CSMD3: variants seen among roughly 807,000 people sequenced by gnomAD.
CSMD3 encodes CUB and Sushi multiple domains 3.
A neutral mutation model predicts 435.2 loss-of-function variants in CSMD3; 177 were observed. The ratio of observed to expected loss-of-function variants is 0.41; its 90% CI spans 0.36 to 0.46. The LOEUF (loss-of-function observed/expected upper bound fraction) is 0.46, where lower values mean the gene tolerates loss of function less well. CSMD3 is among the 20% of genes least tolerant of loss of function. CSMD3 has a pLI of 0.34. For missense variants in CSMD3, 4,265 were observed against 4,504.6 expected (o/e 0.95, Z 1.52); for synonymous variants, 1,656 against 1,520.5 (o/e 1.09, Z -2.07).
chr8:112,525,768 A>G lies in CSMD3; in HGVS notation c.4565-8543T>C, dbSNP rs537393172. ...TATATATACATATATATATATATAT[A>G]TATTTATATGTGTGTGTATATATAT... On this transcript the variant is annotated intron_variant, in intron 27 of 70. Transcript: ENST00000297405. Among the ~76,000 whole-genome samples, 273 of 141,668 alleles carry G rather than the reference A, an allele frequency of 1.9e-3. 2 individuals carry two copies. The highest frequency in any genetic ancestry group is 6.8e-3 in the African/African-American group (262 of 38,546). The allele number at this position is 141,668 out of a possible 152,430, so 92.9% of individuals were successfully genotyped here.
intron 52 of CSMD3, among the ~76,000 whole-genome samples, 198 bp downstream of exon 52, chr8:112,304,523 T>C (rs1332782966): frequency 2.0e-5 from 3 of 152,144 alleles, no homozygotes; most frequent in Non-Finnish European, 4.4e-5. Flanking sequence ...CCAAAGCCCA[T>C]GTTTTTCTAT....
At chr8:113,435,510 G>T (rs576397069) in intron 1 of CSMD3, among the ~76,000 whole-genome samples, 1 of 152,098 alleles carries the variant, frequency 6.6e-6, no homozygotes, top group Admixed American at 6.5e-5. Context: ...GACGCGGCCC[G>T]ATTGCAGTTC....
At chr8:113,174,912 C>A (rs1327945615) in intron 3 of CSMD3, among the ~76,000 whole-genome samples, 1 of 151,674 alleles carries the variant, frequency 6.6e-6, no homozygotes, top group African/African-American at 2.4e-5. Context: ...TACTGCAGTT[C>A]CATAAGTAGT....
chr8:112,322,795 AT>A (rs1823122932), intron 45 of CSMD3, among the ~76,000 whole-genome samples: 2 of 151,890 alleles, frequency 1.3e-5, no homozygotes, highest in African/African-American at 2.4e-5. Flanking sequence ...TTTTCCATTT[AT>A]TTGCATGCTT....
chr8:112,784,700 C>A (rs2078491797), intron 13 of CSMD3, among the ~76,000 whole-genome samples: 1 of 151,932 alleles, frequency 6.6e-6, no homozygotes, highest in Non-Finnish European at 1.5e-5. Flanking sequence ...ATACAACCTA[C>A]CAACATTGAA....
intron 50 of CSMD3, among the ~76,000 whole-genome samples, chr8:112,306,713 G>C (rs1031822180): frequency 6.6e-6 from 1 of 152,052 alleles, no homozygotes; most frequent in Non-Finnish European, 1.5e-5. Flanking sequence ...GTATGAGCTG[G>C]GGCACCATCC....
intron 3 of CSMD3, among the ~76,000 whole-genome samples, chr8:113,194,719 G>GT (rs1475228493): frequency 6.6e-6 from 1 of 151,022 alleles, no homozygotes; most frequent in East Asian, 1.9e-4. Context: ...AAAAAGTAAA[G>GT]TTTTTTAAAT....
intron 32 of CSMD3, among the ~76,000 whole-genome samples, chr8:112,450,002 G>A (rs1011049663): frequency 1.3e-5 from 2 of 152,112 alleles, no homozygotes; most frequent in African/African-American, 4.8e-5. Context: ...GGGATTACAG[G>A]CATGAACCAC....
chr8:112,679,255 G>A (rs1719549896), intron 16 of CSMD3, among the ~76,000 whole-genome samples: 1 of 152,158 alleles, frequency 6.6e-6, no homozygotes, highest in Non-Finnish European at 1.5e-5. Flanking sequence ...TAGTTATAGA[G>A]TTGACAGCAG....
chr8:113,273,166 T>G (rs1026979629), intron 3 of CSMD3, among the ~76,000 whole-genome samples: 3 of 151,992 alleles, frequency 2.0e-5, no homozygotes, highest in African/African-American at 7.2e-5. Context: ...AAAACAAATT[T>G]TGTTTAAATA....
At chr8:112,762,798 A>G (rs2132155530) in intron 13 of CSMD3, among the ~76,000 whole-genome samples, 1 of 151,888 alleles carries the variant, frequency 6.6e-6, no homozygotes. Flanking sequence ...AGTGCCAGAA[A>G]TAACAGAAAG....
chr8:112,417,165 T>C (rs968819182), intron 32 of CSMD3, among the ~76,000 whole-genome samples: 1 of 152,186 alleles, frequency 6.6e-6, no homozygotes, highest in Non-Finnish European at 1.5e-5. Flanking sequence ...GGAAGATTAA[T>C]GTTTTCAAAT....
intron 22 of CSMD3, among the ~76,000 whole-genome samples, chr8:112,594,865 A>G (rs903796645): frequency 4.6e-5 from 7 of 151,918 alleles, no homozygotes; most frequent in African/African-American, 1.4e-4. Flanking sequence ...ACCCATCTGT[A>G]CATCACCATC....
intron 61 of CSMD3, among the ~76,000 whole-genome samples, chr8:112,259,230 C>T (rs1229552593): frequency 6.6e-6 from 1 of 151,994 alleles, no homozygotes; most frequent in African/African-American, 2.4e-5. Context: ...GAAAATGTGG[C>T]ATATATACAC....
At chr8:113,009,496 T>C (rs1193477980) in intron 6 of CSMD3, among the ~76,000 whole-genome samples, 1 of 151,698 alleles carries the variant, frequency 6.6e-6, no homozygotes, top group Non-Finnish European at 1.5e-5. Flanking sequence ...CTATGGCCAT[T>C]TCCTGCTACT....
intron 32 of CSMD3, among the ~76,000 whole-genome samples, chr8:112,409,336 A>G (rs1477468613): frequency 6.6e-6 from 1 of 152,026 alleles, no homozygotes; most frequent in Admixed American, 6.6e-5. Context: ...TTAATACTTT[A>G]TAGTAACTAC....
At chr8:113,208,858 G>T (rs1376023400) in intron 3 of CSMD3, among the ~76,000 whole-genome samples, 2 of 152,030 alleles carry the variant, frequency 1.3e-5, no homozygotes, top group African/African-American at 2.4e-5. Flanking sequence ...ATACACTTAA[G>T]TTGATTTCCC....
chr8:113,401,350 T>C (rs2094509234), intron 1 of CSMD3, among the ~76,000 whole-genome samples: 1 of 151,724 alleles, frequency 6.6e-6, no homozygotes, highest in African/African-American at 2.4e-5. Flanking sequence ...TATTCCAAAG[T>C]GTCCAGTATT....
At chr8:113,394,543 T>G (rs892927773) in intron 1 of CSMD3, among the ~76,000 whole-genome samples, 1 of 152,120 alleles carries the variant, frequency 6.6e-6, no homozygotes. Flanking sequence ...AAAATTCTAG[T>G]GCTATATTTC....
Sources: allele counts gnomAD v4.1 joint callset (sites outside exome capture counted in the v4.1 genomes callset), GRCh38; gene constraint gnomAD v4.1.1; transcripts MANE v1.5; gene names NCBI Gene and HGNC (gene_info 2026-07-23, HGNC 2026-07-21).